The following DENND1A variants were observed in gnomAD, a reference collection of about 807,000 sequenced individuals.
The protein encoded by DENND1A is DENN domain-containing protein 1A.
Under a neutral mutation model 113.7 loss-of-function variants are expected in DENND1A, and 51 were observed. The ratio of observed to expected loss-of-function variants is 0.45; its 90% confidence interval spans 0.36 to 0.57. The LOEUF (loss-of-function observed/expected upper bound fraction) is 0.57. Ranked by LOEUF, DENND1A falls within the 20% of genes least tolerant of loss-of-function variation. DENND1A has a pLI of 0.00. For synonymous variants in DENND1A, 565 were observed against 570.8 expected (o/e 0.99, Z 0.14); for missense variants, 1,258 against 1,395.9 (o/e 0.90, Z 1.57).
At chr9:123,460,055 G>GC (rs1232694188) in intron 13 of DENND1A, among the ~76,000 whole-genome samples, 5 of 152,194 alleles carry the variant, frequency 3.3e-5, no homozygotes, top group African/African-American at 1.2e-4. Flanking sequence ...GAAAAAAGTA[G>GC]CTGGGTATGT....
intron 19 of DENND1A, among the ~76,000 whole-genome samples, chr9:123,424,600 T>TC (rs1299986879): frequency 6.6e-6 from 1 of 152,158 alleles, no homozygotes; most frequent in Non-Finnish European, 1.5e-5. Flanking sequence ...AATACAACCC[T>TC]CGTTGGCTCC....
intron 2 of DENND1A, among the ~76,000 whole-genome samples, chr9:123,796,452 T>C (rs939495896): frequency 1.3e-5 from 2 of 152,180 alleles, no homozygotes; most frequent in African/African-American, 2.4e-5. Context: ...GAAAGGCTAA[T>C]CTTCTTCCAT....
In DENND1A at chr9:123,556,594, T is replaced by C. The variant is rs192376091; in HGVS notation, c.993+976A>G. On this transcript the variant is annotated intron_variant, in intron 13 of 23. Transcript: ENST00000394215. Reference sequence around the variant, plus strand: ...AATAGAAACAAACAGCCCCGGCCTATAGGCAGTGAAGCCAGTGCTGGTCCC... The same window carrying C: ...AATAGAAACAAACAGCCCCGGCCTACAGGCAGTGAAGCCAGTGCTGGTCCC... Among the ~76,000 whole-genome samples the C allele has an allele frequency of 5.3e-5, 8 of 152,346 alleles. No homozygotes were observed. The East Asian group carries it at 9.6e-4, about 18-fold the overall frequency.
chr9:123,758,719 A>T (rs2070783324), intron 4 of DENND1A, among the ~76,000 whole-genome samples: 1 of 152,258 alleles, frequency 6.6e-6, no homozygotes, highest in African/African-American at 2.4e-5. Flanking sequence ...ACAAAAATTT[A>T]AAAACCACAC....
chr9:123,507,142 T>C (rs757252744), intron 13 of DENND1A, among the ~76,000 whole-genome samples: 1 of 152,170 alleles, frequency 6.6e-6, no homozygotes, highest in Non-Finnish European at 1.5e-5. Context: ...TGAGCTAAGA[T>C]TGTACCATTG....
chr9:123,717,768 T>C (rs1421655330), intron 5 of DENND1A, among the ~76,000 whole-genome samples: 1 of 152,212 alleles, frequency 6.6e-6, no homozygotes, highest in Non-Finnish European at 1.5e-5. Flanking sequence ...TCCACTGCAT[T>C]TCCTCACAGA....
At chr9:123,857,344 A>T (rs569112931) in intron 2 of DENND1A, among the ~76,000 whole-genome samples, 58 of 152,248 alleles carry the variant, frequency 3.8e-4, no homozygotes, top group Non-Finnish European at 6.8e-4. Context: ...AAATAATTTG[A>T]ACAATTCAGT....
In DENND1A at chr9:123,535,762, C is replaced by T. The variant is rs546806913; in HGVS notation, c.993+21808G>A. 5.9e-5 allele frequency among the ~76,000 whole-genome samples: 9 copies of T among 152,332 alleles called. No homozygotes were observed. The South Asian group carries it at 1.9e-3, about 32-fold the overall frequency. ...AAAAACACCTCCCCTGGCTTTGCTA[C>T]CCCTTTACAGTGGTTTTTCTTCATG... On this transcript the variant is annotated intron_variant, in intron 13 of 23. Coordinates refer to ENST00000394215, the MANE Select transcript of DENND1A (RefSeq NM_001352964.2).
intron 11 of DENND1A, among the ~76,000 whole-genome samples, chr9:123,609,167 C>A (rs2060298700): frequency 6.6e-6 from 1 of 152,176 alleles, no homozygotes; most frequent in Non-Finnish European, 1.5e-5. Context: ...CTCGTTCAAA[C>A]CCTTAAAGAA....
At chr9:123,742,108 C>T (rs1008860050) in intron 5 of DENND1A, among the ~76,000 whole-genome samples, 2 of 152,208 alleles carry the variant, frequency 1.3e-5, no homozygotes, top group African/African-American at 2.4e-5. Context: ...TTTGTCCCCT[C>T]GGCCTCACAG....
At chr9:123,402,060 A>G in intron 21 of DENND1A, 1 of 1,130,258 alleles carries the variant, frequency 8.8e-7, no homozygotes, top group Non-Finnish European at 1.3e-6. Flanking sequence ...TTAAGGAGGA[A>G]TCTTTAGTCC....
At chr9:123,831,258 G>A (rs1376343423) in intron 2 of DENND1A, among the ~76,000 whole-genome samples, 2 of 151,968 alleles carry the variant, frequency 1.3e-5, no homozygotes, top group African/African-American at 4.8e-5. Flanking sequence ...ACTTATACAC[G>A]AATATCTATA....
intron 1 of DENND1A, among the ~76,000 whole-genome samples, chr9:123,891,384 T>A (rs1849877581): frequency 6.6e-6 from 1 of 152,226 alleles, no homozygotes; most frequent in South Asian, 2.1e-4. Flanking sequence ...TAGAAGTTTT[T>A]TAAATCAGAT....
chr9:123,513,115 CCTT>C (rs1244397276), intron 13 of DENND1A, among the ~76,000 whole-genome samples: 1 of 152,192 alleles, frequency 6.6e-6, no homozygotes. Context: ...ACCTGTTGGC[CCTT>C]CTTCTCCGGA....
chr9:123,639,777 C>CAAAAAAAAAAAAAAAAAA (rs199515973), intron 9 of DENND1A, among the ~76,000 whole-genome samples: 2 of 115,608 alleles, frequency 1.7e-5, no homozygotes, highest in Non-Finnish European at 1.9e-5. Flanking sequence ...AACTCCATCT[C>CAAAAAAAAAAAAAAAAAA]AAAAAAAAAA....
intron 11 of DENND1A, among the ~76,000 whole-genome samples, chr9:123,606,355 C>T (rs1302737824): frequency 6.6e-6 from 1 of 152,130 alleles, no homozygotes; most frequent in Non-Finnish European, 1.5e-5. Context: ...GCACAGCAAA[C>T]TCCTCCCCAG....
intron 5 of DENND1A, among the ~76,000 whole-genome samples, chr9:123,694,690 T>C (rs1341329650): frequency 1.3e-5 from 2 of 151,908 alleles, no homozygotes; most frequent in Non-Finnish European, 2.9e-5. Context: ...AAAATCTCAA[T>C]TGGATTCCAT....
chr9:123,883,496 G>A (rs1848595823), intron 1 of DENND1A, among the ~76,000 whole-genome samples: 1 of 152,156 alleles, frequency 6.6e-6, no homozygotes, highest in African/African-American at 2.4e-5. Flanking sequence ...CATCCCCAGA[G>A]TGTCTCAGGT....
In DENND1A at chr9:123,531,554, TACACACACACA is replaced by T. The variant is rs1292690362; in HGVS notation, c.993+26005_993+26015del. Among the ~76,000 whole-genome samples, 706 of 103,190 alleles carry T rather than the reference TACACACACACA, an allele frequency of 6.8e-3. 7 individuals are homozygous for T. Among genetic ancestry groups the T allele is most frequent in the African/African-American group, 0.023 (629 of 27,126 alleles). 67.7% of individuals were successfully genotyped at this position (103,190 alleles called of 152,430 possible). The stretch of plus-strand genomic sequence containing the variant: ...ATCCTTCTCTTCCCCCCTCTCTCTC[TACACACACACA>T]CACACACACACACACACACACACAC... On this transcript the variant is annotated intron_variant, in intron 13 of 23. Coordinates refer to ENST00000394215, the MANE Select transcript of DENND1A (RefSeq NM_001352964.2).
Sources: allele counts gnomAD v4.1 joint callset (sites outside exome capture counted in the v4.1 genomes callset), GRCh38; gene constraint gnomAD v4.1.1; transcripts MANE v1.5; gene names NCBI Gene and HGNC (gene_info 2026-07-23, HGNC 2026-07-21).